GFRA1: variants seen among roughly 807,000 people sequenced by gnomAD.
The protein encoded by GFRA1 is GDNF family receptor alpha 1, also known as GDNF family receptor alpha-1.
Under a neutral mutation model 51.6 loss-of-function variants are expected in GFRA1, and 16 were observed. That is an observed-to-expected ratio of 0.31 (90% CI 0.21 to 0.47). The LOEUF is 0.47. Among genes scored for constraint, GFRA1 ranks in the 20% least tolerant of loss-of-function variants. The probability of loss-of-function intolerance (pLI) is 1.00; values close to 1 mark genes in which losing one functional copy is unlikely to be tolerated. For synonymous variants in GFRA1, 270 were observed against 241.3 expected (o/e 1.12, Z -1.10); for missense variants, 530 against 594.3 (o/e 0.89, Z 1.13).
At chr10:116,235,094 G>A (rs992532378) in intron 4 of GFRA1, among the ~76,000 whole-genome samples, 1 of 152,124 alleles carries the variant, frequency 6.6e-6, no homozygotes, top group African/African-American at 2.4e-5. Context: ...CCAGTCGCAG[G>A]TATGTTTTTA....
chr10:116,200,109 C>T (rs1426987615), intron 5 of GFRA1, among the ~76,000 whole-genome samples: 1 of 152,140 alleles, frequency 6.6e-6, no homozygotes. Context: ...TGTCCTTTCT[C>T]CTACTGATGG....
At chr10:116,128,935 C>T (rs748181863) in intron 5 of GFRA1, among the ~76,000 whole-genome samples, 72 of 152,092 alleles carry the variant, frequency 4.7e-4, no homozygotes, top group Non-Finnish European at 9.4e-4. Context: ...AAGTTTACTT[C>T]ATATAGCAGT....
At chr10:116,078,960 C>G (rs1043840747) in intron 9 of GFRA1, among the ~76,000 whole-genome samples, 2 of 152,130 alleles carry the variant, frequency 1.3e-5, no homozygotes, top group Non-Finnish European at 2.9e-5. Context: ...AAAGCTCCTC[C>G]GTCCTCAAAG....
chr10:116,224,196 G>C (rs1966120137), intron 4 of GFRA1, among the ~76,000 whole-genome samples: 1 of 152,204 alleles, frequency 6.6e-6, no homozygotes, highest in South Asian at 2.1e-4. Context: ...ATAATGACAA[G>C]TGCTGGTGAT....
chr10:116,199,535 C>G (rs1964162905), intron 5 of GFRA1, among the ~76,000 whole-genome samples: 1 of 152,202 alleles, frequency 6.6e-6, no homozygotes, highest in Non-Finnish European at 1.5e-5. Flanking sequence ...GTTGCTTTAC[C>G]ACAAATCTAT....
intron 5 of GFRA1, among the ~76,000 whole-genome samples, chr10:116,199,896 C>T (rs939164332): frequency 1.3e-5 from 2 of 152,202 alleles, no homozygotes; most frequent in African/African-American, 4.8e-5. Context: ...TTCATTTCCC[C>T]AGAAGGAAAC....
chr10:116,096,827 C>A (rs180929288), intron 6 of GFRA1, 63 bp from the exon 7 acceptor site: 59 of 865,470 alleles, frequency 6.8e-5, no homozygotes, highest in Admixed American at 2.3e-4. Context: ...AGCCTCCGGA[C>A]AGACATGTTT....
At chr10:116,084,786 A>G (rs1342507013) in intron 9 of GFRA1, among the ~76,000 whole-genome samples, 1 of 151,438 alleles carries the variant, frequency 6.6e-6, no homozygotes, top group African/African-American at 2.4e-5. Context: ...ACACACACAC[A>G]CACACACACA....
intron 6 of GFRA1, among the ~76,000 whole-genome samples, chr10:116,102,926 G>C (rs1019203795): frequency 1.3e-5 from 2 of 152,116 alleles, no homozygotes; most frequent in African/African-American, 4.8e-5. Context: ...TAAACCCAAC[G>C]TGGACATTAG....
chr10:116,167,208 T>C (rs1168825159), intron 5 of GFRA1, among the ~76,000 whole-genome samples: 1 of 152,178 alleles, frequency 6.6e-6, no homozygotes, highest in Non-Finnish European at 1.5e-5. Flanking sequence ...TTCAAGGTTT[T>C]CCTAATTTGC....
At chr10:116,267,948 C>A (rs1589926458) in intron 4 of GFRA1, among the ~76,000 whole-genome samples, 1 of 96,094 alleles carries the variant, frequency 1.0e-5, no homozygotes, top group Non-Finnish European at 2.6e-5. Flanking sequence ...CTAACACACA[C>A]ACACACACAC....
intron 5 of GFRA1, among the ~76,000 whole-genome samples, chr10:116,167,570 A>C (rs1960596753): frequency 7.5e-6 from 1 of 133,876 alleles, no homozygotes; most frequent in African/African-American, 2.8e-5. Flanking sequence ...ATTGTAACCA[A>C]AGTCCTTTTT....
intron 6 of GFRA1, among the ~76,000 whole-genome samples, chr10:116,116,939 G>A (rs903924175): frequency 6.6e-6 from 1 of 152,226 alleles, no homozygotes; most frequent in Non-Finnish European, 1.5e-5. Flanking sequence ...AGGCTGGCCA[G>A]AATTATCATT....
intron 6 of GFRA1, among the ~76,000 whole-genome samples, chr10:116,109,718 G>A (rs932388172): frequency 6.6e-6 from 1 of 152,160 alleles, no homozygotes; most frequent in Non-Finnish European, 1.5e-5. Context: ...CACTCCTGAG[G>A]CTGGAGACAG....
At chr10:116,265,664 C>T (rs2134788959) in intron 4 of GFRA1, among the ~76,000 whole-genome samples, 1 of 152,314 alleles carries the variant, frequency 6.6e-6, no homozygotes, top group East Asian at 1.9e-4. Context: ...GGGAGAGATG[C>T]AGATGCTAAA....
At chr10:116,163,378 C>A (rs1275651199) in intron 5 of GFRA1, among the ~76,000 whole-genome samples, 2 of 152,190 alleles carry the variant, frequency 1.3e-5, no homozygotes, top group Non-Finnish European at 2.9e-5. Flanking sequence ...TGCAGACAAG[C>A]CTTTTTGTTC....
intron 4 of GFRA1, among the ~76,000 whole-genome samples, chr10:116,244,362 T>G (rs10885885): frequency 1.4e-4 from 13 of 91,474 alleles, no homozygotes; most frequent in African/African-American, 5.7e-4. Context: ...TTCATTTAAC[T>G]TTAATAATTA....
At chr10:116,144,720 T>C (rs1156655965) in intron 5 of GFRA1, among the ~76,000 whole-genome samples, 1 of 152,106 alleles carries the variant, frequency 6.6e-6, no homozygotes, top group Non-Finnish European at 1.5e-5. Flanking sequence ...CAAATTAAAA[T>C]GTGAAAAACA....
chr10:116,151,629 A>G lies in GFRA1; in HGVS notation c.434-26072T>C, dbSNP rs917751314. 5.9e-5 allele frequency among the ~76,000 whole-genome samples: 9 copies of G among 152,226 alleles called. No individual in the cohort carries two copies. In the East Asian group the frequency reaches 1.4e-3, roughly 23 times the overall value. On this transcript the variant is annotated intron_variant, in intron 5 of 10. Transcript: ENST00000355422. ...AATAGAGGGAAGAGGGAGAGCCCCT[A>G]TGGAATTTGCAAATGACATAGAACG...
Sources: allele counts gnomAD v4.1 joint callset (sites outside exome capture counted in the v4.1 genomes callset), GRCh38; gene constraint gnomAD v4.1.1; transcripts MANE v1.5; gene names NCBI Gene and HGNC (gene_info 2026-07-23, HGNC 2026-07-21).